GNG2: variants seen among roughly 807,000 people sequenced by gnomAD.
GNG2 encodes guanine nucleotide-binding protein G(I)/G(S)/G(O) subunit gamma-2.
In GNG2, 5 loss-of-function variants were observed where a neutral mutation model predicts 5.5. That is an observed-to-expected ratio of 0.91 (90% CI 0.48 to 1.92). The LOEUF (loss-of-function observed/expected upper bound fraction) is 1.92. Ranked by LOEUF, GNG2 falls within the 30% of genes most tolerant of loss-of-function variation. The pLI, the probability that GNG2 is intolerant of heterozygous loss-of-function variation, is 0.01. For missense variants in GNG2, 55 were observed against 88.4 expected, an observed-to-expected ratio of 0.62 and a Z score of 1.52; for synonymous variants, 28 against 32.0, an observed-to-expected ratio of 0.88 and a Z score of 0.42.
intron 2 of GNG2, chr14:51,841,685 A>G: frequency 1.3e-5 from 8 of 606,416 alleles, no homozygotes; most frequent in Non-Finnish European, 1.8e-5. Flanking sequence ...ATGGAGGCAG[A>G]TGAGAAAAAT....
At position 51,855,294 on chromosome 14, in the gene GNG2, G is replaced by A. The variant is rs144770324; in HGVS notation, c.64+27487G>A. On this transcript the variant is annotated intron_variant, in intron 2 of 3. Transcript: ENST00000553432. Reference sequence around the variant, plus strand: ...GTCCCACTAGCTTTCGTGCTGGGCCGTGAGACAGAGACTGGCATTTTTCAT... The same window carrying A: ...GTCCCACTAGCTTTCGTGCTGGGCCATGAGACAGAGACTGGCATTTTTCAT... 1.8e-3 allele frequency among the ~76,000 whole-genome samples: 274 copies of A among 152,246 alleles called. 1 individual carries two copies. The highest frequency in any genetic ancestry group is 6.2e-3 in the African/African-American group (257 of 41,538).
chr14:51,871,070 A>G (rs1302941961), intron 1 of GNG2, among the ~76,000 whole-genome samples: 1 of 151,590 alleles, frequency 6.6e-6, no homozygotes, highest in Non-Finnish European at 1.5e-5. Context: ...TTAGAACCAT[A>G]TAAGAAAAAT....
At chr14:51,932,840 A>T (rs1887745822) in intron 2 of GNG2, among the ~76,000 whole-genome samples, 1 of 149,590 alleles carries the variant, frequency 6.7e-6, no homozygotes, top group Non-Finnish European at 1.5e-5. Context: ...ATGTTTGCAG[A>T]TGTGATTAAG....
intron 2 of GNG2, among the ~76,000 whole-genome samples, chr14:51,844,829 G>T (rs1211386110): frequency 6.6e-6 from 1 of 152,164 alleles, no homozygotes. Context: ...AGGTTCAAGT[G>T]ATTCTCTTGC....
At chr14:51,864,814 G>A (rs181192849) in intron 1 of GNG2, among the ~76,000 whole-genome samples, 62 of 152,296 alleles carry the variant, frequency 4.1e-4, no homozygotes, top group African/African-American at 1.4e-3. Flanking sequence ...TCCTTTATAA[G>A]GGGGAGCAGT....
chr14:51,903,127 G>A (rs1200760025), intron 2 of GNG2, among the ~76,000 whole-genome samples: 1 of 152,018 alleles, frequency 6.6e-6, no homozygotes, highest in Non-Finnish European at 1.5e-5. Flanking sequence ...ATTTATAATA[G>A]TAAAAACTAC....
intron 2 of GNG2, among the ~76,000 whole-genome samples, chr14:51,905,135 C>T (rs1885831036): frequency 6.6e-6 from 1 of 152,162 alleles, no homozygotes. Context: ...CTCGCTGCAT[C>T]CATGCTCCTG....
At chr14:51,894,073 A>AT (rs35622909) in intron 2 of GNG2, among the ~76,000 whole-genome samples, 22,657 of 152,004 alleles carry the variant, frequency 0.15, 3,507 homozygotes, top group African/African-American at 0.4. Flanking sequence ...ATTGTTTGAC[A>AT]TTTTTTCCAT....
Position 51,853,941 on chromosome 14 carries a change from A to G in GNG2, c.64+26134A>G, listed in dbSNP as rs2140091137. Among the ~76,000 whole-genome samples the G allele has an allele frequency of 2.0e-5, 3 of 148,706 alleles. No individual in the cohort carries two copies. The South Asian group carries it at 6.4e-4, about 32-fold the overall frequency. Reference sequence around the variant, plus strand: ...AGTCTCGCTCTGTTGCCCAGGCTGGAGTGCAGTGGCACTATCTTGGCTTAC... The same window carrying G: ...AGTCTCGCTCTGTTGCCCAGGCTGGGGTGCAGTGGCACTATCTTGGCTTAC... On this transcript the variant is annotated intron_variant, in intron 2 of 3. Coordinates refer to the GNG2 transcript ENST00000553432.
intron 2 of GNG2, among the ~76,000 whole-genome samples, chr14:51,909,833 T>C (rs1886188716): frequency 6.6e-6 from 1 of 152,210 alleles, no homozygotes; most frequent in South Asian, 2.1e-4. Context: ...CCTGGCTTCT[T>C]GCAGTTCTTC....
At chr14:51,874,305 C>T (rs959282431) in intron 1 of GNG2, among the ~76,000 whole-genome samples, 2 of 151,682 alleles carry the variant, frequency 1.3e-5, no homozygotes, top group Non-Finnish European at 2.9e-5. Context: ...GGCGCCTGTA[C>T]TCCCAGCTAC....
intron 1 of GNG2, among the ~76,000 whole-genome samples, chr14:51,875,992 C>G (rs1883636921): frequency 6.7e-6 from 1 of 148,512 alleles, no homozygotes; most frequent in African/African-American, 2.5e-5. Context: ...GGCTAGAGTA[C>G]AGTAGCATGA....
intron 2 of GNG2, chr14:51,939,906 AC>A (rs1330439051): frequency 6.6e-6 from 1 of 152,230 alleles, no homozygotes; most frequent in Admixed American, 6.5e-5. Context: ...CCCTGGGGAG[AC>A]TGCAGCCGAA....
intron 1 of GNG2, among the ~76,000 whole-genome samples, chr14:51,874,547 G>A (rs970630572): frequency 4.6e-5 from 7 of 151,768 alleles, no homozygotes; most frequent in East Asian, 1.9e-4. Context: ...CTTGGGCAAC[G>A]TAGAGACACC....
At chr14:51,949,168 T>C (rs1452834700) in intron 2 of GNG2, among the ~76,000 whole-genome samples, 1 of 151,792 alleles carries the variant, frequency 6.6e-6, no homozygotes, top group Non-Finnish European at 1.5e-5. Flanking sequence ...TTAATTATGC[T>C]CCAATTTATT....
Position 51,902,581 on chromosome 14 carries a change from A to G in GNG2, c.-30+24924A>G, listed in dbSNP as rs540741268. The stretch of plus-strand genomic sequence containing the variant: ...GAAAACAAAAATGAGATATAGTCAT[A>G]TCTATTAATTTATTAAAATTAAAGA... On this transcript the variant is annotated intron_variant, in intron 2 of 3. Coordinates refer to ENST00000556766, the MANE Select transcript of GNG2 (RefSeq NM_053064.5). 7.9e-5 allele frequency among the ~76,000 whole-genome samples: 12 copies of G among 152,372 alleles called. No homozygotes were observed. The East Asian group carries it at 2.3e-3, about 29-fold the overall frequency.
chr14:51,896,867 T>C lies in GNG2; in HGVS notation c.-30+19210T>C, dbSNP rs190343946. 1.8e-4 allele frequency among the ~76,000 whole-genome samples: 28 copies of C among 152,284 alleles called. No homozygotes were observed. The East Asian group carries it at 4.2e-3, about 23-fold the overall frequency. On this transcript the variant is annotated intron_variant, in intron 2 of 3. Coordinates refer to ENST00000556766, the MANE Select transcript of GNG2 (RefSeq NM_053064.5). Reference sequence around the variant, plus strand: ...TACACTAGAATATAAGGCAGGATTATAATACATGAACTAAAATCATAAGGA... The same window carrying C: ...TACACTAGAATATAAGGCAGGATTACAATACATGAACTAAAATCATAAGGA...
At chr14:51,871,040 G>C (rs1329425205) in intron 1 of GNG2, among the ~76,000 whole-genome samples, 2 of 152,174 alleles carry the variant, frequency 1.3e-5, no homozygotes, top group Non-Finnish European at 2.9e-5. Flanking sequence ...TGTTTAAGGA[G>C]AGTATTTATC....
At chr14:51,888,310 G>A (rs191666370) in intron 2 of GNG2, among the ~76,000 whole-genome samples, 1 of 151,994 alleles carries the variant, frequency 6.6e-6, no homozygotes, top group South Asian at 2.1e-4. Flanking sequence ...CGTTTTGTTT[G>A]TTTGTTTTTG....
Sources: allele counts gnomAD v4.1 joint callset (sites outside exome capture counted in the v4.1 genomes callset), GRCh38; gene constraint gnomAD v4.1.1; transcripts MANE v1.5; gene names NCBI Gene and HGNC (gene_info 2026-07-23, HGNC 2026-07-21).